The following RBAK variants were observed in gnomAD, a reference collection of about 807,000 sequenced individuals.
The protein encoded by RBAK is RB-associated KRAB zinc finger protein.
Under a neutral mutation model 65.8 loss-of-function variants are expected in RBAK, and 39 were observed. The observed-to-expected ratio is 0.59, with a 90% CI of 0.46 to 0.77. The LOEUF (loss-of-function observed/expected upper bound fraction) is 0.77. RBAK is among the 30% of genes least tolerant of loss of function. The probability of loss-of-function intolerance (pLI) is 0.00; values close to 1 mark genes in which losing one functional copy is unlikely to be tolerated. For missense variants in RBAK, 884 were observed against 855.1 expected (o/e 1.03, Z -0.42); for synonymous variants, 343 against 289.7 (o/e 1.18, Z -1.87).
chr7:5,066,105 C>T lies in RBAK; in HGVS notation c.*504C>T, dbSNP rs1583465147. 4 of 152,472 alleles carry T rather than the reference C, an allele frequency of 2.6e-5. 1 individual carries two copies. In the South Asian group the frequency reaches 8.3e-4, roughly 32 times the overall value. The allele number at this position is 152,472 out of a possible 1,614,324, so 9.4% of individuals were successfully genotyped here. On this transcript the variant is annotated 3_prime_UTR_variant, in exon 5 of 5. Coordinates refer to ENST00000396912, the MANE Select transcript of RBAK (RefSeq NM_021163.4). ...CAGTAGCATTAAATAAGTATATGGC[C>T]GTTTTTTATCATGTCTTAAAAATGC...
Position 5,048,666 on chromosome 7 carries a change from A to G in RBAK, c.15+575A>G, listed in dbSNP as rs995799504. On this transcript the variant is annotated intron_variant, in intron 2 of 4. Transcript: ENST00000396912. This position sits in a 1 kb window ranked among gnomAD's most constrained non-coding sequence, Gnocchi z 4.4. The stretch of plus-strand genomic sequence containing the variant: ...ATCACAAAAGGAAAATGCCATCTGT[A>G]TTAGTCCATTCTCACACTGCTATAG... 1.3e-5 allele frequency among the ~76,000 whole-genome samples: 2 copies of G among 152,224 alleles called. No individual in the cohort carries two copies. The highest frequency in any genetic ancestry group is 1.3e-4 in the Admixed American group (2 of 15,274).
chr7:5,046,160 T>C lies in RBAK; in HGVS notation c.-281T>C, dbSNP rs1309327565. The C allele has an allele frequency of 2.4e-6, 1 of 422,580 alleles. No individual in the cohort carries two copies. Among genetic ancestry groups the C allele is most frequent in the South Asian group, 1.7e-5 (1 of 58,256 alleles). 26.2% of individuals were successfully genotyped at this position (422,580 alleles called of 1,614,324 possible). A position where few individuals can be genotyped will look rare whatever the true frequency, so the allele number is the denominator to read the frequency against. On this transcript the variant is annotated 5_prime_UTR_variant, in exon 1 of 5. Coordinates refer to ENST00000396912, the MANE Select transcript of RBAK (RefSeq NM_021163.4). ...GGGACGCGGGCCTGGCCCGTGTGTGTCCTGGCGGCCTGGCCCAGGCTGCCG... is the reference window on the plus strand; with the variant it reads ...GGGACGCGGGCCTGGCCCGTGTGTGCCCTGGCGGCCTGGCCCAGGCTGCCG...
intron 2 of RBAK, 91 bp from the exon 3 acceptor site, chr7:5,057,204 T>G: frequency 6.3e-7 from 1 of 1,599,098 alleles, no homozygotes; most frequent in Non-Finnish European, 8.5e-7. Flanking sequence ...GTATACAATG[T>G]TTATGGTTAA....
Position 5,048,750 on chromosome 7 carries a change from C to G in RBAK, c.15+659C>G, listed in dbSNP as rs557336180. ...AAGAGGTTTAATTGGCTCACGCCTG[C>G]AGGCTCTATCATAGGAAGCATGGCT... On this transcript the variant is annotated intron_variant, in intron 2 of 4. Coordinates refer to ENST00000396912, the MANE Select transcript of RBAK (RefSeq NM_021163.4). The surrounding 1 kb of genome is among the most constrained non-coding windows in gnomAD (Gnocchi z 4.4). 5.9e-5 allele frequency among the ~76,000 whole-genome samples: 9 copies of G among 152,188 alleles called. No homozygotes were observed. The East Asian group carries it at 1.7e-3, about 29-fold the overall frequency.
intron 4 of RBAK, among the ~76,000 whole-genome samples, chr7:5,062,343 G>A (rs1404544289): frequency 6.6e-6 from 1 of 152,156 alleles, no homozygotes; most frequent in African/African-American, 2.4e-5. Flanking sequence ...GGGCGTCCGG[G>A]GGAGACATCA....
intron 2 of RBAK, among the ~76,000 whole-genome samples, chr7:5,049,911 G>A (rs565071384): frequency 2.0e-5 from 3 of 152,176 alleles, no homozygotes; most frequent in East Asian, 3.9e-4. Context: ...TAGAGACTGG[G>A]TTTCACCATG....
rs1583465683 is a variant in RBAK at position 5,066,952 on chromosome 7, C to A, written c.*1351C>A. ...TATTCACAAGTCAGTTGCTATTATACACCACCTGTAGAAAAGTAATCTGGC... is the reference window on the plus strand; with the variant it reads ...TATTCACAAGTCAGTTGCTATTATAAACCACCTGTAGAAAAGTAATCTGGC... On this transcript the variant is annotated 3_prime_UTR_variant, in exon 5 of 5. Transcript: ENST00000396912. 1 of 152,160 alleles carries A rather than the reference C, an allele frequency of 6.6e-6. No homozygotes were observed. The highest frequency in any genetic ancestry group is 2.4e-5 in the African/African-American group (1 of 41,446). 9.4% of individuals were successfully genotyped at this position (152,160 alleles called of 1,614,324 possible).
In RBAK at chr7:5,069,188, G is replaced by A. The variant is rs547921332; in HGVS notation, c.*3587G>A. On this transcript the variant is annotated 3_prime_UTR_variant, in exon 5 of 5. Coordinates refer to ENST00000396912, the MANE Select transcript of RBAK (RefSeq NM_021163.4). ...ATCACAAATGGCTAACATTTGTGTC[G>A]CTCATCACTCTAATCATATTTTTCT... 1.3e-5 allele frequency: 2 copies of A among 152,180 alleles called. No homozygotes were observed. The highest frequency in any genetic ancestry group is 2.1e-4 in the South Asian group (1 of 4,820). The allele number at this position is 152,180 out of a possible 1,614,324, so 9.4% of individuals were successfully genotyped here. A position where few individuals can be genotyped will look rare whatever the true frequency, so the allele number is the denominator to read the frequency against.
In RBAK at chr7:5,065,087, G is replaced by C. The variant is rs777955109; in HGVS notation, c.1631G>C (p.Cys544Ser). ...KGEKSYECNV[C>S]GKLFNELSYY... ...GAGAAATCCTATGAATGTAATGTATGTGGAAAGTTATTCAATGAGTTGTCA... is the reference window on the plus strand; with the variant it reads ...GAGAAATCCTATGAATGTAATGTATCTGGAAAGTTATTCAATGAGTTGTCA... Residue 544 changes from cysteine (C) to serine (S), a missense_variant, in exon 5 of 5, where the codon TGT (cysteine) becomes TCT (serine). By Grantham distance (112) the Cys-to-Ser change is moderately radical. Coordinates refer to ENST00000396912, the MANE Select transcript of RBAK (RefSeq NM_021163.4). This position sits in a 1 kb window ranked among gnomAD's most constrained non-coding sequence, Gnocchi z 5.3. The C allele has an allele frequency of 3.1e-6, 5 of 1,614,014 alleles. No homozygotes were observed. The Admixed American group carries it at 8.3e-5, about 27-fold the overall frequency.
intron 2 of RBAK, among the ~76,000 whole-genome samples, chr7:5,052,783 G>A (rs1562534170): frequency 6.6e-6 from 1 of 151,084 alleles, no homozygotes; most frequent in Admixed American, 6.6e-5. Context: ...ATTTTGAGTT[G>A]GAGTCTCACT....
intron 2 of RBAK, among the ~76,000 whole-genome samples, chr7:5,056,275 T>G (rs1468137698): frequency 6.9e-6 from 1 of 145,884 alleles, no homozygotes; most frequent in Non-Finnish European, 1.5e-5. Context: ...GCCCAGCCAA[T>G]TTTTTTTTTT....
intron 4 of RBAK, 146 bp downstream of exon 4, chr7:5,057,925 T>G (rs1275878660): frequency 3.8e-6 from 3 of 797,622 alleles, no homozygotes; most frequent in African/African-American, 1.8e-5. Flanking sequence ...ATACATGAAC[T>G]CTTTTGTTGA....
intron 4 of RBAK, among the ~76,000 whole-genome samples, 184 bp downstream of exon 4, chr7:5,057,963 A>AT (rs1297473132): frequency 1.3e-5 from 2 of 152,080 alleles, no homozygotes; most frequent in Admixed American, 6.6e-5. Flanking sequence ...ATTGGTAGGG[A>AT]TTTTTTCATT....
At position 5,069,230 on chromosome 7, in the gene RBAK, G is replaced by A. The variant is rs1779296394; in HGVS notation, c.*3629G>A. 3 of 152,168 alleles carry A rather than the reference G, an allele frequency of 2.0e-5. No homozygotes were observed. Among genetic ancestry groups the A allele is most frequent in the African/African-American group, 7.2e-5 (3 of 41,434 alleles). The allele number at this position is 152,168 out of a possible 1,614,324, so 9.4% of individuals were successfully genotyped here. ...TATTTTTCTAGATGTGTATGAATAT[G>A]CTGCACAACAGGAATTAAATGGCAG... On this transcript the variant is annotated 3_prime_UTR_variant, in exon 5 of 5. Transcript: ENST00000396912.
Position 5,064,309 on chromosome 7 carries a change from G to A in RBAK, c.853G>A (p.Gly285Arg). 6.2e-7 allele frequency: 1 copy of A among 1,614,110 alleles called. No individual in the cohort carries two copies. ...CATCATCCACCAGAGGGCTCACACA[G>A]GAGAGAAACCTTATGAATGTAATGT... ...KFIIHQRAHT[G>R]EKPYECNVCG... is the part of the protein sequence containing the mutation. The change falls in exon 5 of 5, where the codon GGA becomes AGA. Residue 285 changes from glycine to arginine, a missense_variant. Coordinates refer to ENST00000396912, the MANE Select transcript of RBAK (RefSeq NM_021163.4). This position sits in a 1 kb window ranked among gnomAD's most constrained non-coding sequence, Gnocchi z 6.3.
intron 4 of RBAK, among the ~76,000 whole-genome samples, chr7:5,061,985 G>A (rs1779086487): frequency 6.6e-6 from 1 of 152,058 alleles, no homozygotes; most frequent in African/African-American, 2.4e-5. Context: ...CCAGATGAAT[G>A]TGAATCCTCT....
chr7:5,065,115 C>G lies in RBAK; in HGVS notation c.1659C>G (p.Tyr553Ter), dbSNP rs1779184954. 6.2e-7 allele frequency: 1 copy of G among 1,613,982 alleles called. No individual in the cohort carries two copies. The highest frequency in any genetic ancestry group is 1.3e-5 in the African/African-American group (1 of 75,016). ...GAAAGTTATTCAATGAGTTGTCATACTATACTGAACATTATAGAAGTCATT... is the reference window on the plus strand; with the variant it reads ...GAAAGTTATTCAATGAGTTGTCATAGTATACTGAACATTATAGAAGTCATT... Reference protein sequence around the residue: ...VCGKLFNELSYYTEHYRSHSE... With the variant: ...VCGKLFNELS Residue 553 changes from tyrosine to a stop codon, truncating the protein, a stop_gained, in exon 5 of 5, where the codon TAC (tyrosine) becomes TAG (stop). Transcript: ENST00000396912. LOFTEE classifies it high-confidence loss of function. The surrounding 1 kb of genome is among the most constrained non-coding windows in gnomAD (Gnocchi z 5.3).
rs1779246389 is a variant in RBAK at position 5,067,382 on chromosome 7, A to T, written c.*1781A>T. The T allele has an allele frequency of 6.6e-6, 1 of 152,210 alleles. No individual in the cohort carries two copies. Among genetic ancestry groups the T allele is most frequent in the Non-Finnish European group, 1.5e-5 (1 of 68,020 alleles). The allele number at this position is 152,210 out of a possible 1,614,324, so 9.4% of individuals were successfully genotyped here. A position where few individuals can be genotyped will look rare whatever the true frequency, so the allele number is the denominator to read the frequency against. ...AAAAAACATGGAAAATGAAATTTTG[A>T]AAAGCAATGCCACTTCAAAGATCCC... is the stretch of plus-strand genomic sequence containing the variant. On this transcript the variant is annotated 3_prime_UTR_variant, in exon 5 of 5. Transcript: ENST00000396912.
intron 4 of RBAK, among the ~76,000 whole-genome samples, chr7:5,063,477 CTGTGTGTGTGTGTG>C (rs71535175): frequency 1.6e-4 from 24 of 147,300 alleles, no homozygotes; most frequent in Middle Eastern, 3.4e-3. Flanking sequence ...AATTCTTTCA[CTGTGTGTGTGTGTG>C]TGTGTGTGTG....
Sources: gnomAD v4.1 joint callset for allele counts (sites outside exome capture counted in the v4.1 genomes callset) on GRCh38, gnomAD v4.1.1 for gene constraint, Gnocchi (gnomAD v3.1) non-coding constraint, MANE v1.5 for transcripts, NCBI Gene and HGNC (gene_info 2026-07-23, HGNC 2026-07-21) for gene names.